The following VWC2L variants were observed in gnomAD, a reference collection of about 807,000 sequenced individuals.
VWC2L encodes von Willebrand factor C domain containing 2 like.
Under a neutral mutation model 21.6 loss-of-function variants are expected in VWC2L, and 10 were observed. The ratio of observed to expected loss-of-function variants is 0.46; its 90% CI spans 0.29 to 0.78. The LOEUF is 0.78. Among genes scored for constraint, VWC2L ranks in the 30% least tolerant of loss-of-function variants. VWC2L has a pLI of 0.10. For synonymous variants in VWC2L, 96 were observed against 94.3 expected, an observed-to-expected ratio of 1.02 and a Z score of -0.10; for missense variants, 209 against 277.1, an observed-to-expected ratio of 0.75 and a Z score of 1.74.
chr2:214,544,959 A>G (rs1424256669), intron 3 of VWC2L, among the ~76,000 whole-genome samples: 1 of 152,126 alleles, frequency 6.6e-6, no homozygotes, highest in African/African-American at 2.4e-5. Context: ...TTACTCTGCT[A>G]TGTTGTTTCC....
chr2:214,444,115 G>C (rs539938165), intron 3 of VWC2L, among the ~76,000 whole-genome samples: 11 of 152,090 alleles, frequency 7.2e-5, no homozygotes, highest in African/African-American at 2.2e-4. Flanking sequence ...AAATATAATA[G>C]AAAGTTTAAC....
At chr2:214,480,095 G>C (rs1688581809) in intron 3 of VWC2L, among the ~76,000 whole-genome samples, 1 of 152,178 alleles carries the variant, frequency 6.6e-6, no homozygotes, top group African/African-American at 2.4e-5. Flanking sequence ...ATGGGAGGAT[G>C]TGAGTAGGCT....
At chr2:214,556,823 C>T (rs910092106) in intron 3 of VWC2L, among the ~76,000 whole-genome samples, 3 of 152,182 alleles carry the variant, frequency 2.0e-5, no homozygotes, top group African/African-American at 7.2e-5. Flanking sequence ...TTCAACCACT[C>T]TCTTGTTAAT....
chr2:214,501,328 G>C (rs551712533), intron 3 of VWC2L, among the ~76,000 whole-genome samples: 2 of 152,140 alleles, frequency 1.3e-5, no homozygotes, highest in Non-Finnish European at 2.9e-5. Context: ...GTTCTCTCCA[G>C]CTCTGGTGGA....
At chr2:214,485,218 C>T (rs13400040) in intron 3 of VWC2L, among the ~76,000 whole-genome samples, 34,354 of 151,720 alleles carry the variant, frequency 0.23, 3,992 homozygotes, top group Admixed American at 0.27. Flanking sequence ...ACTCAGGTGG[C>T]GGAGTCAGGA....
chr2:214,435,180 T>C (rs1368960489), intron 2 of VWC2L, among the ~76,000 whole-genome samples: 1 of 152,184 alleles, frequency 6.6e-6, no homozygotes, highest in Non-Finnish European at 1.5e-5. Context: ...AATAATGTAC[T>C]GTACGTTCTA....
chr2:214,450,386 C>T (rs1702935801), intron 3 of VWC2L, among the ~76,000 whole-genome samples: 1 of 152,222 alleles, frequency 6.6e-6, no homozygotes, highest in Non-Finnish European at 1.5e-5. Flanking sequence ...TCTAGCCTAT[C>T]ACAGTATGTG....
At chr2:214,432,691 G>T (rs1033981926) in intron 2 of VWC2L, among the ~76,000 whole-genome samples, 5 of 152,014 alleles carry the variant, frequency 3.3e-5, no homozygotes, top group Admixed American at 6.6e-5. Flanking sequence ...TTCTAATCTA[G>T]GGCCAGCTGG....
rs116886056 is a variant in VWC2L, at chr2:214,568,798, T to C, written c.521-6874T>C. Among the ~76,000 whole-genome samples the C allele has an allele frequency of 1.8e-3, 279 of 152,324 alleles. 1 individual carries two copies. The highest frequency in any genetic ancestry group is 5.8e-3 in the East Asian group (30 of 5,184). On this transcript the variant is annotated intron_variant, in intron 3 of 3. Coordinates refer to ENST00000312504, the MANE Select transcript of VWC2L (RefSeq NM_001080500.4). ...AACTTCCTTTAATAAGTGTATTTTC[T>C]GCTTAAATTATCCAGGGTTGGTTTT... is the stretch of plus-strand genomic sequence containing the variant.
At chr2:214,553,613 G>A (rs1468906184) in intron 3 of VWC2L, among the ~76,000 whole-genome samples, 3 of 152,108 alleles carry the variant, frequency 2.0e-5, no homozygotes, top group Middle Eastern at 3.2e-3. Flanking sequence ...GATTGTAAAT[G>A]TTTTTTGTTT....
chr2:214,498,580 G>C (rs1688843386), intron 3 of VWC2L, among the ~76,000 whole-genome samples: 1 of 151,342 alleles, frequency 6.6e-6, no homozygotes, highest in East Asian at 1.9e-4. Flanking sequence ...ATAAAAAAGT[G>C]GGTGAATCTT....
intron 3 of VWC2L, among the ~76,000 whole-genome samples, chr2:214,541,308 T>C (rs1004512802): frequency 1.3e-5 from 2 of 152,210 alleles, no homozygotes; most frequent in African/African-American, 4.8e-5. Context: ...CTGACTTCTT[T>C]ATTATCTGAG....
intron 3 of VWC2L, among the ~76,000 whole-genome samples, chr2:214,457,232 C>A (rs966932636): frequency 6.6e-6 from 1 of 152,158 alleles, no homozygotes; most frequent in East Asian, 1.9e-4. Context: ...TATTCCTAGA[C>A]AGGCTTTTGG....
intron 3 of VWC2L, among the ~76,000 whole-genome samples, chr2:214,481,731 T>G (rs1688606006): frequency 6.6e-6 from 1 of 152,206 alleles, no homozygotes; most frequent in South Asian, 2.1e-4. Context: ...TTAAGCTGCA[T>G]TACAAATACT....
chr2:214,504,025 A>G (rs534738123), intron 3 of VWC2L, among the ~76,000 whole-genome samples: 2 of 152,342 alleles, frequency 1.3e-5, no homozygotes, highest in East Asian at 3.9e-4. Context: ...AAGATGTATC[A>G]GGCTAGTCTT....
rs73074681 is a variant in VWC2L, at chr2:214,560,589, G to T, written c.521-15083G>T. On this transcript the variant is annotated intron_variant, in intron 3 of 3. Coordinates refer to ENST00000312504, the MANE Select transcript of VWC2L (RefSeq NM_001080500.4). ...CTAAATTAATCGTCAGAAGTAGAAG[G>T]TTTGTTGCTTAAATTTTATGTTTTA... Among the ~76,000 whole-genome samples the T allele has an allele frequency of 9.0e-3, 1,376 of 152,266 alleles. 21 individuals are homozygous for T. Among genetic ancestry groups the T allele is most frequent in the African/African-American group, 0.032 (1,315 of 41,562 alleles).
At chr2:214,559,088 T>C (rs1437342546) in intron 3 of VWC2L, among the ~76,000 whole-genome samples, 1 of 143,986 alleles carries the variant, frequency 6.9e-6, no homozygotes, top group East Asian at 2.1e-4. Context: ...AACCTACTCA[T>C]CTGACAAAGG....
chr2:214,567,599 G>C (rs563564233), intron 3 of VWC2L, among the ~76,000 whole-genome samples: 3 of 148,978 alleles, frequency 2.0e-5, no homozygotes, highest in African/African-American at 7.5e-5. Context: ...CACACACAGA[G>C]AGAGAGAGAG....
intron 2 of VWC2L, among the ~76,000 whole-genome samples, chr2:214,416,168 T>A (rs1702351735): frequency 6.6e-6 from 1 of 152,080 alleles, no homozygotes; most frequent in Non-Finnish European, 1.5e-5. Context: ...CTGAGATTTA[T>A]ATAATTTGGT....
Sources: allele counts gnomAD v4.1 joint callset (sites outside exome capture counted in the v4.1 genomes callset), GRCh38; gene constraint gnomAD v4.1.1; transcripts MANE v1.5; gene names NCBI Gene and HGNC (gene_info 2026-07-23, HGNC 2026-07-21).